ZXDC: variants seen among roughly 807,000 people sequenced by gnomAD.
ZXDC encodes the protein ZXD family zinc finger C.
In ZXDC, 58 loss-of-function variants were observed where a neutral mutation model predicts 63.6. That is an observed-to-expected ratio of 0.91 (90% CI 0.74 to 1.13). The LOEUF (loss-of-function observed/expected upper bound fraction) is 1.13. ZXDC is among the 50% of genes most tolerant of loss of function. The pLI is 0.00. For missense variants in ZXDC, 1,133 were observed against 1,148.9 expected, an observed-to-expected ratio of 0.99 and a Z score of 0.20; for synonymous variants, 561 against 496.1, an observed-to-expected ratio of 1.13 and a Z score of -1.74.
chr3:126,445,738 G>C (rs888162728), intron 7 of ZXDC, among the ~76,000 whole-genome samples: 7 of 152,144 alleles, frequency 4.6e-5, no homozygotes, highest in African/African-American at 1.7e-4. Context: ...ACAGCTGTGA[G>C]AGAACAGGGC....
At chr3:126,451,606 G>A (rs867206702) in intron 7 of ZXDC, 35 of 985,290 alleles carry the variant, frequency 3.6e-5, no homozygotes, top group East Asian at 2.3e-4. Flanking sequence ...CACCAAGGCC[G>A]GCACTGGGCT....
chr3:126,464,843 CACT>C (rs1934694481), intron 5 of ZXDC, among the ~76,000 whole-genome samples: 1 of 152,198 alleles, frequency 6.6e-6, no homozygotes, highest in Admixed American at 6.5e-5. Context: ...GTCCTCAAGA[CACT>C]ACTAAAGCCA....
intron 6 of ZXDC, chr3:126,459,992 C>A: frequency 1.0e-6 from 1 of 985,430 alleles, no homozygotes. Context: ...TAAAACATAG[C>A]CAAATATTTT....
intron 7 of ZXDC, chr3:126,450,451 C>G (rs753692628): frequency 2.4e-5 from 11 of 456,750 alleles, no homozygotes; most frequent in South Asian, 1.7e-4. Context: ...CAGGGTATGA[C>G]AAAGCCCCTG....
chr3:126,453,339 T>C, intron 7 of ZXDC: 1 of 985,432 alleles, frequency 1.0e-6, no homozygotes, highest in Non-Finnish European at 1.2e-6. Context: ...CCCTTAAGGA[T>C]ATGTTTTCTT....
chr3:126,455,955 G>A (rs551198489), intron 7 of ZXDC, among the ~76,000 whole-genome samples: 64 of 151,908 alleles, frequency 4.2e-4, no homozygotes, highest in African/African-American at 1.5e-3. Flanking sequence ...AGCCGAGATC[G>A]CGCCACTGCT....
At chr3:126,444,324 A>T (rs558041955) in intron 7 of ZXDC, among the ~76,000 whole-genome samples, 4 of 152,206 alleles carry the variant, frequency 2.6e-5, no homozygotes, top group South Asian at 2.1e-4. Context: ...CAAGGTCAGG[A>T]GATCGAGACC....
At chr3:126,458,626 G>A in intron 7 of ZXDC, 1 of 985,292 alleles carries the variant, frequency 1.0e-6, no homozygotes, top group South Asian at 4.7e-5. Flanking sequence ...GTACTCCAAA[G>A]CAATGTAATA....
rs1303798595 is a variant in ZXDC, at chr3:126,466,242, G to A, written c.1354C>T (p.Arg452Cys). The change falls in exon 5 of 10, where the codon CGT becomes TGT. Residue 452 changes from arginine (R) to cysteine (C), a missense_variant. By Grantham distance (180) the Arg-to-Cys change is radical. Coordinates refer to ENST00000389709, the MANE Select transcript of ZXDC (RefSeq NM_025112.5). The stretch of plus-strand genomic sequence containing the variant: ...CTGTTGCAGGTAGAAACTGGGCAAC[G>A]GCTTTTCGGAGCACCCACATCCTGC... ...HVQDVGAPKS[R>C]CPVSTCNRLF... The A allele has an allele frequency of 5.0e-6, 8 of 1,614,194 alleles. No homozygotes were observed. In the East Asian group the frequency reaches 6.7e-5, roughly 13 times the overall value.
chr3:126,440,122 G>A (rs1576657276), intron 8 of ZXDC: 1 of 1,024,398 alleles, frequency 9.8e-7, no homozygotes, highest in Non-Finnish European at 1.2e-6. Flanking sequence ...CCCACAGAGG[G>A]CCTTCCCTGC....
At chr3:126,458,238 T>A (rs1409270041) in intron 7 of ZXDC, among the ~76,000 whole-genome samples, 3 of 132 alleles carry the variant, frequency 0.023, no homozygotes, top group Non-Finnish European at 0.042. Context: ...ATGTCCTTAC[T>A]TTTTTTTTTT....
chr3:126,475,698 C>T lies in ZXDC; in HGVS notation c.168G>A (p.Gly56=). 1 of 1,301,916 alleles carries T rather than the reference C, an allele frequency of 7.7e-7. No individual in the cohort carries two copies. The highest frequency in any genetic ancestry group is 9.7e-7 in the Non-Finnish European group (1 of 1,026,794). The allele number at this position is 1,301,916 out of a possible 1,614,324, so 80.6% of individuals were successfully genotyped here. A position where few individuals can be genotyped will look rare whatever the true frequency, so the allele number is the denominator to read the frequency against. Residue 56 remains glycine (G), a synonymous_variant, in exon 1 of 10, where the codon GGG becomes GGA. Transcript: ENST00000389709. ...GCGGCGGGCTTGGCCCGGAGGCCTC[C>T]CCGGGCCGCGCCCCGGGCCCGCCAT... The part of the protein sequence containing the change: ...PEDGGPGARP[G]EASGPSPPPA...
In ZXDC at chr3:126,438,444, A is replaced by C; in HGVS notation, c.2508T>G (p.Ser836=). ...VYVLQEVLPS[S]GGPAGPEATQ... is the part of the protein sequence containing the mutation. Reference sequence around the variant, plus strand: ...TGGCCTCCGGTCCAGCAGGGCCTCCAGATGAGGGGAGCACCTCCTGCAAAA... The same window carrying C: ...TGGCCTCCGGTCCAGCAGGGCCTCCCGATGAGGGGAGCACCTCCTGCAAAA... Residue 836 remains serine, a synonymous_variant, in exon 10 of 10, where the codon TCT becomes TCG. Transcript: ENST00000389709. 1.2e-6 allele frequency: 2 copies of C among 1,613,790 alleles called. No individual in the cohort carries two copies. Among genetic ancestry groups the C allele is most frequent in the Non-Finnish European group, 1.7e-6 (2 of 1,179,832 alleles).
intron 7 of ZXDC, chr3:126,453,113 G>C (rs530402316): frequency 2.0e-6 from 2 of 985,400 alleles, no homozygotes; most frequent in South Asian, 9.4e-5. Flanking sequence ...TTCCACAAAG[G>C]GGGAGAACTG....
chr3:126,472,115 T>A, intron 2 of ZXDC, 38 bp downstream of exon 2: 1 of 1,608,874 alleles, frequency 6.2e-7, no homozygotes. Context: ...TGAAGACAAA[T>A]CTTGGGTCCA....
Position 126,462,240 on chromosome 3 carries a change from A to G in ZXDC, c.1442-20T>C, listed in dbSNP as rs778562798. 6.4e-7 allele frequency: 1 copy of G among 1,566,536 alleles called. No individual in the cohort carries two copies. Among genetic ancestry groups the G allele is most frequent in the East Asian group, 2.2e-5 (1 of 44,458 alleles). ...AGAGATCTGAAAAAAAAAGGAATACACTCTGGTTACTTTATGACCTTGAAG... is the reference window on the plus strand; with the variant it reads ...AGAGATCTGAAAAAAAAAGGAATACGCTCTGGTTACTTTATGACCTTGAAG... On this transcript the variant is annotated intron_variant, in intron 5 of 9. Coordinates refer to ENST00000389709, the MANE Select transcript of ZXDC (RefSeq NM_025112.5).
intron 7 of ZXDC, among the ~76,000 whole-genome samples, chr3:126,444,349 G>A (rs766763125): frequency 7.9e-5 from 12 of 151,842 alleles, no homozygotes; most frequent in Non-Finnish European, 1.2e-4. Context: ...TGGCTAACAC[G>A]GTGAAACCTC....
At chr3:126,460,067 C>T (rs1424303205) in intron 6 of ZXDC, 2 of 985,312 alleles carry the variant, frequency 2.0e-6, no homozygotes, top group African/African-American at 3.5e-5. Flanking sequence ...CGAGCCTTGC[C>T]TGGGTAACCC....
At position 126,475,360 on chromosome 3, in the gene ZXDC, C is replaced by A. The variant is rs1935156557; in HGVS notation, c.506G>T (p.Gly169Val). The A allele has an allele frequency of 6.8e-7, 1 of 1,478,664 alleles. No homozygotes were observed. The highest frequency in any genetic ancestry group is 2.4e-5 in the Admixed American group (1 of 41,418). The allele number at this position is 1,478,664 out of a possible 1,614,324, so 91.6% of individuals were successfully genotyped here. The change falls in exon 1 of 10, where the codon GGC (glycine) becomes GTC (valine). Residue 169 changes from glycine to valine, a missense_variant. Coordinates refer to ENST00000389709, the MANE Select transcript of ZXDC (RefSeq NM_025112.5). ...AAPRRAPQAS[G>V]PSTPGYRCPE... ...GCAGCGGTAGCCGGGCGTGCTGGGG[C>A]CGGAGGCCTGGGGCGCGCGGCGGGG...
Sources: gnomAD v4.1 joint callset for allele counts (sites outside exome capture counted in the v4.1 genomes callset) on GRCh38, gnomAD v4.1.1 for gene constraint, MANE v1.5 for transcripts, NCBI Gene and HGNC (gene_info 2026-07-23, HGNC 2026-07-21) for gene names.